Variants in PAPPA observed in about 807,000 individuals in gnomAD.
PAPPA encodes pappalysin 1, also known as pappalysin-1.
In PAPPA, 60 loss-of-function variants were observed where a neutral mutation model predicts 164.0. The ratio of observed to expected loss-of-function variants is 0.37; its 90% CI spans 0.30 to 0.45. The LOEUF is 0.45. PAPPA is among the 20% of genes least tolerant of loss of function. PAPPA has a pLI of 1.00. For missense variants in PAPPA, 1,782 were observed against 2,087.3 expected (o/e 0.85, Z 2.85); for synonymous variants, 875 against 814.1 (o/e 1.07, Z -1.27).
chr9:116,260,685 T>C (rs1844991112), intron 7 of PAPPA, among the ~76,000 whole-genome samples: 1 of 152,132 alleles, frequency 6.6e-6, no homozygotes, highest in Admixed American at 6.5e-5. Context: ...CTCCTTAAAT[T>C]AGACCCATGG....
In PAPPA at chr9:116,198,167, A is replaced by G. The variant is rs192390411; in HGVS notation, c.1479-9289A>G. ...AAGAAGGAAGTGAGGTGGTGGGAAG[A>G]GAGCTGTGGGCCCTTGAACGGTAGA... On this transcript the variant is annotated intron_variant, in intron 2 of 21. Transcript: ENST00000328252. Among the ~76,000 whole-genome samples the G allele has an allele frequency of 4.7e-4, 72 of 152,324 alleles. No individual in the cohort carries two copies. The East Asian group carries it at 6.2e-3, about 13-fold the overall frequency.
At chr9:116,351,853 T>C (rs926412682) in intron 15 of PAPPA, among the ~76,000 whole-genome samples, 1 of 152,178 alleles carries the variant, frequency 6.6e-6, no homozygotes, top group Non-Finnish European at 1.5e-5. Flanking sequence ...GCCCCCGACA[T>C]GTTTCCAGCC....
chr9:116,391,216 C>A (rs903515256), intron 21 of PAPPA, among the ~76,000 whole-genome samples: 1 of 152,210 alleles, frequency 6.6e-6, no homozygotes. Flanking sequence ...AACTGTTCCA[C>A]GTTTTATGCC....
rs560173329 is a variant in PAPPA at position 116,178,406 on chromosome 9, C to A, written c.416-8748C>A. ...TACAGGCGTGAGCCACCTTGCCTGGCCGGAAAGATATTTATTATTAACACA... is the reference window on the plus strand; with the variant it reads ...TACAGGCGTGAGCCACCTTGCCTGGACGGAAAGATATTTATTATTAACACA... On this transcript the variant is annotated intron_variant, in intron 1 of 21. Coordinates refer to ENST00000328252, the MANE Select transcript of PAPPA (RefSeq NM_002581.5). Among the ~76,000 whole-genome samples the A allele has an allele frequency of 4.6e-5, 7 of 152,256 alleles. No individual in the cohort carries two copies. The South Asian group carries it at 1.5e-3, about 32-fold the overall frequency.
chr9:116,196,433 G>T (rs1477459677), intron 2 of PAPPA, among the ~76,000 whole-genome samples: 1 of 152,200 alleles, frequency 6.6e-6, no homozygotes, highest in Non-Finnish European at 1.5e-5. Context: ...TCTGCACTTG[G>T]TCAGATGCCC....
chr9:116,347,358 T>A lies in PAPPA; in HGVS notation c.3964+149T>A. On this transcript the variant is annotated intron_variant, in intron 15 of 21. Transcript: ENST00000328252. The surrounding 1 kb of genome is among the most constrained non-coding windows in gnomAD (Gnocchi z 4.5). ...CTTCTTCCTACTAATTGTATTTATG[T>A]AAACTGCCCTGCTATGCAGATAAGA... 1 of 618,912 alleles carries A rather than the reference T, an allele frequency of 1.6e-6. No homozygotes were observed. Among genetic ancestry groups the A allele is most frequent in the Non-Finnish European group, 2.8e-6 (1 of 363,554 alleles). The allele number at this position is 618,912 out of a possible 1,614,324, so 38.3% of individuals were successfully genotyped here.
chr9:116,157,080 C>T (rs1355770634), intron 1 of PAPPA, among the ~76,000 whole-genome samples: 1 of 152,212 alleles, frequency 6.6e-6, no homozygotes, highest in Non-Finnish European at 1.5e-5. Flanking sequence ...CAGAGAGTTG[C>T]TGTCTTGCTG....
At chr9:116,342,910 C>A (rs1436543340) in intron 13 of PAPPA, among the ~76,000 whole-genome samples, 1 of 152,176 alleles carries the variant, frequency 6.6e-6, no homozygotes, top group Non-Finnish European at 1.5e-5. Context: ...AGAGCTATTG[C>A]AAGGCATCAT....
rs200956358 is a variant in PAPPA, at chr9:116,344,518, T to C, written c.3612-25T>C. On this transcript the variant is annotated intron_variant, in intron 13 of 21. Transcript: ENST00000328252. ...AGCTGTCCTGTGAGGAGACTCCTTC[T>C]TCCCCTCGTTTCTTTCCTCCCCAGC... 270 of 1,601,812 alleles carry C rather than the reference T, an allele frequency of 1.7e-4. No homozygotes were observed. In the African/African-American group the frequency reaches 3.2e-3, roughly 19 times the overall value.
chr9:116,279,046 G>A (rs113919669), intron 9 of PAPPA, among the ~76,000 whole-genome samples: 6 of 152,266 alleles, frequency 3.9e-5, no homozygotes, highest in African/African-American at 1.2e-4. Context: ...TTACAGTGGT[G>A]CCATTTGCAA....
At position 116,227,541 on chromosome 9, in the gene PAPPA, G is replaced by T. The variant is rs763858422; in HGVS notation, c.2222G>T (p.Arg741Leu). ...AGCCCATCAGGACACTGGAGCCCTC[G>T]TGAAGCAGAAGGTAAGCCAGCCTTC... is the stretch of plus-strand genomic sequence containing the variant. ...PCSPSGHWSP[R>L]EAEGHPDVEQ... The change falls in exon 6 of 22, where the codon CGT becomes CTT. Residue 741 changes from arginine to leucine, a missense_variant. By Grantham distance (102) the Arg-to-Leu change is moderately radical (BLOSUM62 -2). Around this residue, in one of 2 missense-constraint regions of PAPPA, gnomAD observed 1,324 missense variants for 1,656.9 expected, o/e 0.80. Transcript: ENST00000328252. 6.2e-7 allele frequency: 1 copy of T among 1,613,880 alleles called. No homozygotes were observed. The highest frequency in any genetic ancestry group is 8.5e-7 in the Non-Finnish European group (1 of 1,179,968).
Position 116,154,231 on chromosome 9 carries a change from G to C in PAPPA, c.59G>C (p.Gly20Ala). The change falls in exon 1 of 22, where the codon GGG becomes GCG. Residue 20 changes from glycine (G) to alanine (A), a missense_variant. Around this residue, in one of 2 missense-constraint regions of PAPPA, gnomAD observed 458 missense variants for 430.3 expected, o/e 1.06. Transcript: ENST00000328252. This position sits in a 1 kb window ranked among gnomAD's most constrained non-coding sequence, Gnocchi z 5.2. ...LGLLSAALGC[G>A]LAERPRRARR... ...CTGCTGAGCGCCGCGCTGGGCTGCGGGCTGGCCGAGCGTCCCCGCCGGGCC... is the reference window on the plus strand; with the variant it reads ...CTGCTGAGCGCCGCGCTGGGCTGCGCGCTGGCCGAGCGTCCCCGCCGGGCC... 7.0e-7 allele frequency: 1 copy of C among 1,434,582 alleles called. No homozygotes were observed. Among genetic ancestry groups the C allele is most frequent in the Non-Finnish European group, 9.2e-7 (1 of 1,089,838 alleles). The allele number at this position is 1,434,582 out of a possible 1,614,324, so 88.9% of individuals were successfully genotyped here.
chr9:116,380,912 G>C (rs1358358082), intron 20 of PAPPA, among the ~76,000 whole-genome samples: 1 of 152,174 alleles, frequency 6.6e-6, no homozygotes, highest in Non-Finnish European at 1.5e-5. Flanking sequence ...AGTGAGGATG[G>C]GAAGGGGAGA....
chr9:116,200,230 T>C (rs1844156470), intron 2 of PAPPA, among the ~76,000 whole-genome samples: 2 of 152,220 alleles, frequency 1.3e-5, no homozygotes, highest in Admixed American at 1.3e-4. Context: ...TTTCCCACAC[T>C]TGGTTCAATA....
chr9:116,181,018 C>T lies in PAPPA; in HGVS notation c.416-6136C>T, dbSNP rs75896418. ...GAATGTTTCCTGTAAGTGATGAACA[C>T]ACCACCAATTTTGCTATCTTTCTAA... On this transcript the variant is annotated intron_variant, in intron 1 of 21. Transcript: ENST00000328252. Among the ~76,000 whole-genome samples, 587 of 152,322 alleles carry T rather than the reference C, an allele frequency of 3.9e-3. 3 individuals carry two copies. Among genetic ancestry groups the T allele is most frequent in the African/African-American group, 0.014 (562 of 41,564 alleles).
intron 1 of PAPPA, among the ~76,000 whole-genome samples, chr9:116,186,793 A>T (rs1362152607): frequency 1.3e-5 from 2 of 152,118 alleles, no homozygotes; most frequent in African/African-American, 2.4e-5. Flanking sequence ...TGGTTTTCAG[A>T]TTTTTATTAT....
At chr9:116,282,413 A>G (rs1323308409) in intron 9 of PAPPA, among the ~76,000 whole-genome samples, 3 of 152,232 alleles carry the variant, frequency 2.0e-5, no homozygotes, top group African/African-American at 7.2e-5. Flanking sequence ...TAGACTGCAT[A>G]TATTTCCACC....
rs558803011 is a variant in PAPPA, at chr9:116,154,642, G to C, written c.415+55G>C. 1.6e-6 allele frequency: 2 copies of C among 1,275,076 alleles called. No individual in the cohort carries two copies. The highest frequency in any genetic ancestry group is 1.6e-5 in the African/African-American group (1 of 64,354). The allele number at this position is 1,275,076 out of a possible 1,614,324, so 79.0% of individuals were successfully genotyped here. ...ACCGTCCCTGCGGCCCCAGAGGCTC[G>C]CGGGTGTCTGGGCGCGGGTGGCGGG... On this transcript the variant is annotated intron_variant, in intron 1 of 21. Coordinates refer to ENST00000328252, the MANE Select transcript of PAPPA (RefSeq NM_002581.5). This position sits in a 1 kb window ranked among gnomAD's most constrained non-coding sequence, Gnocchi z 5.2.
chr9:116,364,053 G>A (rs1261673296), intron 18 of PAPPA, among the ~76,000 whole-genome samples: 2 of 152,210 alleles, frequency 1.3e-5, no homozygotes, highest in African/African-American at 4.8e-5. Flanking sequence ...AGAGAGATGG[G>A]ATCTTATAGG....
Sources: allele counts gnomAD v4.1 joint callset (sites outside exome capture counted in the v4.1 genomes callset), GRCh38; gene constraint gnomAD v4.1.1; regional missense constraint gnomAD v4.1.1; non-coding constraint Gnocchi (gnomAD v3.1); transcripts MANE v1.5; gene names NCBI Gene and HGNC (gene_info 2026-07-23, HGNC 2026-07-21).